Variants in VWA3B observed in about 807,000 individuals in gnomAD.
The protein encoded by VWA3B is von Willebrand factor A domain containing 3B, also known as von Willebrand factor A domain-containing protein 3B.
A neutral mutation model predicts 158.3 loss-of-function variants in VWA3B; 138 were observed. The ratio of observed to expected loss-of-function variants is 0.87; its 90% CI spans 0.76 to 1.00. VWA3B has a LOEUF of 1.00. Ranked by LOEUF, VWA3B falls within the 50% of genes least tolerant of loss-of-function variation. VWA3B has a pLI of 0.00. For synonymous variants in VWA3B, 596 were observed against 587.3 expected, an observed-to-expected ratio of 1.01 and a Z score of -0.21; for missense variants, 1,555 against 1,565.1, an observed-to-expected ratio of 0.99 and a Z score of 0.11.
At chr2:98,270,906 T>C in intron 22 of VWA3B, 23 bp downstream of exon 22, 1 of 1,610,450 alleles carries the variant, frequency 6.2e-7, no homozygotes, top group Non-Finnish European at 8.5e-7. Context: ...GAGGTCTCTG[T>C]CTTTCCTCCC....
rs1689838275 is a variant in VWA3B at position 98,296,951 on chromosome 2, C to G, written c.3158-956C>G. Among the ~76,000 whole-genome samples the G allele has an allele frequency of 3.3e-5, 5 of 150,852 alleles. No individual in the cohort carries two copies. In the South Asian group the frequency reaches 1.0e-3, roughly 31 times the overall value. ...TATGTTTGTGTGTATATATATTAGGCTGGTGCAAAAGTAATTGTGGTTTTG... is the reference window on the plus strand; with the variant it reads ...TATGTTTGTGTGTATATATATTAGGGTGGTGCAAAAGTAATTGTGGTTTTG... On this transcript the variant is annotated intron_variant, in intron 23 of 27. Transcript: ENST00000477737.
intron 2 of VWA3B, among the ~76,000 whole-genome samples, chr2:98,111,034 C>G (rs1573789043): frequency 1.3e-5 from 2 of 152,158 alleles, no homozygotes; most frequent in African/African-American, 2.4e-5. Context: ...TCCATTAAAC[C>G]TCTTTCCTTT....
At position 98,217,874 on chromosome 2, in the gene VWA3B, A is replaced by G. The variant is rs876657414; in HGVS notation, c.1865A>G (p.Lys622Arg). The G allele has an allele frequency of 6.2e-7, 1 of 1,610,358 alleles. No homozygotes were observed. The highest frequency in any genetic ancestry group is 1.1e-5 in the South Asian group (1 of 90,606). The change falls in exon 14 of 28, where the codon AAA becomes AGA. Residue 622 changes from lysine to arginine, a missense_variant. Coordinates refer to ENST00000477737, the MANE Select transcript of VWA3B (RefSeq NM_144992.5). Reference sequence around the variant, plus strand: ...CCTGAAACAGTTATAGACCAGGTCAAACGTTTTCAGGAAATTCCTATTTAT... The same window carrying G: ...CCTGAAACAGTTATAGACCAGGTCAGACGTTTTCAGGAAATTCCTATTTAT... Reference protein sequence around the residue: ...QPPETVIDQVKRFQEIPIYTI... With the variant: ...QPPETVIDQVRRFQEIPIYTI...
At chr2:98,161,681 C>CTATT (rs1004544485) in intron 7 of VWA3B, among the ~76,000 whole-genome samples, 3 of 152,074 alleles carry the variant, frequency 2.0e-5, no homozygotes, top group Non-Finnish European at 4.4e-5. Context: ...ATCTATTTAT[C>CTATT]TATTTATTTA....
At chr2:98,160,290 T>C (rs796390068) in intron 7 of VWA3B, among the ~76,000 whole-genome samples, 37 of 152,340 alleles carry the variant, frequency 2.4e-4, no homozygotes, top group African/African-American at 7.9e-4. Flanking sequence ...GCTTTTACTG[T>C]TCTGTAGCTT....
At chr2:98,107,079 T>C (rs1411298256) in intron 2 of VWA3B, among the ~76,000 whole-genome samples, 1 of 152,214 alleles carries the variant, frequency 6.6e-6, no homozygotes, top group Non-Finnish European at 1.5e-5. Context: ...TGTCAATTTT[T>C]TTCTCCATCA....
intron 19 of VWA3B, chr2:98,245,351 T>TATTC: frequency 3.1e-6 from 1 of 327,706 alleles, no homozygotes; most frequent in Non-Finnish European, 6.0e-6. Flanking sequence ...CTTATGAGAA[T>TATTC]GCCCCTTATG....
chr2:98,115,816 G>T (rs1230945743), intron 3 of VWA3B, 70 bp downstream of exon 3: 15 of 1,304,088 alleles, frequency 1.2e-5, no homozygotes, highest in Non-Finnish European at 1.5e-5. Context: ...AGTGCAGTGT[G>T]GGGAGAGACT....
intron 16 of VWA3B, among the ~76,000 whole-genome samples, chr2:98,234,397 A>T (rs1284594928): frequency 6.6e-6 from 1 of 152,198 alleles, no homozygotes; most frequent in Non-Finnish European, 1.5e-5. Flanking sequence ...CTACAATTGC[A>T]AGGAGCTGGG....
intron 2 of VWA3B, among the ~76,000 whole-genome samples, chr2:98,110,026 T>G (rs925796231): frequency 2.0e-5 from 3 of 152,082 alleles, no homozygotes; most frequent in African/African-American, 7.2e-5. Context: ...TGTTGCTTTA[T>G]GTTTTTTGTT....
chr2:98,122,547 C>G (rs1454457990), intron 5 of VWA3B, among the ~76,000 whole-genome samples: 1 of 152,184 alleles, frequency 6.6e-6, no homozygotes, highest in Admixed American at 6.5e-5. Flanking sequence ...GTTCCTTGGT[C>G]CTTTGAGTTT....
At chr2:98,106,011 G>T (rs1457151748) in intron 2 of VWA3B, among the ~76,000 whole-genome samples, 1 of 152,024 alleles carries the variant, frequency 6.6e-6, no homozygotes, top group Non-Finnish European at 1.5e-5. Context: ...CGCCTCCCAG[G>T]TTCACGCCAT....
chr2:98,154,863 T>C (rs1677928502), intron 7 of VWA3B, among the ~76,000 whole-genome samples: 1 of 152,212 alleles, frequency 6.6e-6, no homozygotes, highest in African/African-American at 2.4e-5. Context: ...GTTTCACATT[T>C]ACTATTGCAA....
intron 8 of VWA3B, among the ~76,000 whole-genome samples, chr2:98,174,906 T>A (rs1679878559): frequency 6.6e-6 from 1 of 152,166 alleles, no homozygotes; most frequent in Admixed American, 6.5e-5. Flanking sequence ...TTTAAGGAAA[T>A]CTCTGTTCAA....
In VWA3B at chr2:98,306,209, T is replaced by C. The variant is rs531114544; in HGVS notation, c.3521+2407T>C. On this transcript the variant is annotated intron_variant, in intron 26 of 27. Transcript: ENST00000477737. ...CCAGCACCCTAGCCCCCCCAGGTAG[T>C]GAGGTGGCCCCACGGCAACCCGTAG... Among the ~76,000 whole-genome samples the C allele has an allele frequency of 8.6e-5, 13 of 151,744 alleles. No homozygotes were observed. In the East Asian group the frequency reaches 2.5e-3, roughly 29 times the overall value.
In VWA3B at chr2:98,125,520, G is replaced by T. The variant is rs2104993891; in HGVS notation, c.703-2719G>T. On this transcript the variant is annotated intron_variant, in intron 5 of 27. Coordinates refer to ENST00000477737, the MANE Select transcript of VWA3B (RefSeq NM_144992.5). This position sits in a 1 kb window ranked among gnomAD's most constrained non-coding sequence, Gnocchi z 4.1. ...CATGGTAATAATTCATGCTCCACAG[G>T]ACTGTTGTATTGAGTGAGATAATTC... Among the ~76,000 whole-genome samples the T allele has an allele frequency of 6.6e-6, 1 of 152,322 alleles. No homozygotes were observed. The highest frequency in any genetic ancestry group is 6.5e-5 in the Admixed American group (1 of 15,304).
At position 98,236,613 on chromosome 2, in the gene VWA3B, T is replaced by C. The variant is rs747671924; in HGVS notation, c.2556T>C (p.Tyr852=). Residue 852 remains tyrosine, a synonymous_variant, in exon 19 of 28, where the codon TAT becomes TAC. Coordinates refer to ENST00000477737, the MANE Select transcript of VWA3B (RefSeq NM_144992.5). The part of the protein sequence containing the change: ...DVSSENWLKT[Y]GLVAKKLTLM... ...CTTCAGAAAACTGGCTGAAGACCTA[T>C]GGCTTGGTCGCCAAGAAACTCACCC... The C allele has an allele frequency of 1.1e-5, 17 of 1,614,112 alleles. No homozygotes were observed. The African/African-American group carries it at 2.3e-4, about 22-fold the overall frequency.
intron 12 of VWA3B, among the ~76,000 whole-genome samples, chr2:98,204,269 C>A (rs1415511323): frequency 6.6e-6 from 1 of 152,192 alleles, no homozygotes; most frequent in Non-Finnish European, 1.5e-5. Context: ...TGCCTTATTG[C>A]AGCGGATAGA....
rs74974438 is a variant in VWA3B at position 98,298,022 on chromosome 2, G to A, written c.3273G>A (p.Pro1091=). ...ITPVGGAMPC[P]LLQVGDYVFA... ...CTGTGGGGGGCGCCATGCCCTGCCC[G>A]CTGCTCCAGGTACCCAGTCCCTGAT... The change falls in exon 24 of 28, where the codon CCG becomes CCA. Residue 1091 remains proline, a synonymous_variant. Coordinates refer to ENST00000477737, the MANE Select transcript of VWA3B (RefSeq NM_144992.5). 318 of 1,558,516 alleles carry A rather than the reference G, an allele frequency of 2.0e-4. No homozygotes were observed. Among genetic ancestry groups the A allele is most frequent in the East Asian group, 1.8e-3 (73 of 41,068 alleles).
Sources: allele counts gnomAD v4.1 joint callset (sites outside exome capture counted in the v4.1 genomes callset), GRCh38; gene constraint gnomAD v4.1.1; non-coding constraint Gnocchi (gnomAD v3.1); transcripts MANE v1.5; gene names NCBI Gene and HGNC (gene_info 2026-07-23, HGNC 2026-07-21).